The following VRK2 variants were observed in gnomAD, a reference collection of about 807,000 sequenced individuals.
VRK2 encodes serine/threonine-protein kinase VRK2.
A neutral mutation model predicts 57.6 loss-of-function variants in VRK2; 60 were observed. The observed-to-expected ratio is 1.04, with a 90% CI of 0.85 to 1.29. The LOEUF is 1.29. Ranked by LOEUF, VRK2 falls within the 50% of genes most tolerant of loss-of-function variation. The pLI, the probability that VRK2 is intolerant of heterozygous loss-of-function variation, is 0.00. For missense variants in VRK2, 705 were observed against 588.1 expected, an observed-to-expected ratio of 1.20 and a Z score of -2.06; for synonymous variants, 231 against 199.2, an observed-to-expected ratio of 1.16 and a Z score of -1.35.
intron 12 of VRK2, among the ~76,000 whole-genome samples, chr2:58,152,177 C>T (rs1453833502): frequency 6.6e-6 from 1 of 151,900 alleles, no homozygotes; most frequent in African/African-American, 2.4e-5. Context: ...TACTGAGATA[C>T]TTACATCTTT....
At chr2:58,076,414 T>C (rs1455244793) in intron 2 of VRK2, among the ~76,000 whole-genome samples, 1 of 151,984 alleles carries the variant, frequency 6.6e-6, no homozygotes, top group Non-Finnish European at 1.5e-5. Flanking sequence ...CTTGTAAGAG[T>C]ATCATACCTC....
At chr2:58,010,900 G>A (rs1019557230) in intron 1 of VRK2, among the ~76,000 whole-genome samples, 23 of 152,206 alleles carry the variant, frequency 1.5e-4, no homozygotes, top group African/African-American at 5.3e-4. Flanking sequence ...AACAGGGCCT[G>A]GCCCTGTGTA....
chr2:58,126,320 T>A (rs1178798499), intron 8 of VRK2, among the ~76,000 whole-genome samples: 1 of 152,124 alleles, frequency 6.6e-6, no homozygotes, highest in Non-Finnish European at 1.5e-5. Context: ...GATCAGACTG[T>A]CTGTTCTGTG....
intron 8 of VRK2, among the ~76,000 whole-genome samples, chr2:58,126,850 A>C (rs969862102): frequency 2.6e-5 from 4 of 152,108 alleles, no homozygotes; most frequent in Non-Finnish European, 5.9e-5. Flanking sequence ...TAGTATTTTA[A>C]AATTGGTTAC....
At chr2:58,107,809 C>G (rs1257307071) in intron 7 of VRK2, among the ~76,000 whole-genome samples, 1 of 152,130 alleles carries the variant, frequency 6.6e-6, no homozygotes, top group Non-Finnish European at 1.5e-5. Context: ...CTGCTTCTTT[C>G]TCTGCCAGCT....
chr2:58,118,184 G>GGTA (rs953716249), intron 7 of VRK2, among the ~76,000 whole-genome samples: 1 of 152,054 alleles, frequency 6.6e-6, no homozygotes, highest in African/African-American at 2.4e-5. Context: ...GCAGAGAAGG[G>GGTA]GTAGAGACAA....
rs1490425366 is a variant in VRK2 at position 58,136,763 on chromosome 2, A to ATATATATATCATATATATGTG, written c.856+1602_856+1622dup. On this transcript the variant is annotated intron_variant, in intron 10 of 12. Coordinates refer to ENST00000340157, the MANE Select transcript of VRK2 (RefSeq NM_006296.7). ...AAAGATGGGAAGATGTCATTAACAT[A>ATATATATATCATATATATGTG]TATATATATCATATATATGTGTATA... is the stretch of plus-strand genomic sequence containing the variant. Among the ~76,000 whole-genome samples, 283 of 145,634 alleles carry ATATATATATCATATATATGTG rather than the reference A, an allele frequency of 1.9e-3. 5 individuals are homozygous for ATATATATATCATATATATGTG. In the South Asian group the frequency reaches 0.02, roughly 11 times the overall value.
intron 6 of VRK2, among the ~76,000 whole-genome samples, 181 bp downstream of exon 6, chr2:58,088,627 G>A (rs1186822250): frequency 1.3e-5 from 2 of 152,206 alleles, no homozygotes; most frequent in Non-Finnish European, 2.9e-5. Context: ...GTGACAGAAT[G>A]TGCTGTGTAT....
At chr2:57,921,492 T>C (rs543801420) in intron 1 of VRK2, among the ~76,000 whole-genome samples, 1 of 152,124 alleles carries the variant, frequency 6.6e-6, no homozygotes, top group African/African-American at 2.4e-5. Flanking sequence ...ATTAGTAAAA[T>C]ATCCTGAAAA....
At chr2:58,046,461 CTCA>C (rs1674759607), upstream of VRK2, 4 of 982,742 alleles carry the variant, frequency 4.1e-6, no homozygotes, top group Non-Finnish European at 4.8e-6. Context: ...GCTCGTAGTA[CTCA>C]GGTTGTGGTA....
chr2:58,145,817 C>T (rs1267635848), intron 11 of VRK2, among the ~76,000 whole-genome samples: 2 of 151,922 alleles, frequency 1.3e-5, no homozygotes, highest in South Asian at 2.1e-4. Flanking sequence ...ATGTTCCCTA[C>T]CCTGTGTCCA....
At chr2:58,056,221 C>G (rs1347713783) in intron 2 of VRK2, among the ~76,000 whole-genome samples, 1 of 152,082 alleles carries the variant, frequency 6.6e-6, no homozygotes, top group Admixed American at 6.6e-5. Flanking sequence ...GCCTTATAGC[C>G]GTTGCTTTTG....
upstream of VRK2, among the ~76,000 whole-genome samples, chr2:58,042,993 C>G (rs779883977): frequency 6.6e-6 from 1 of 152,080 alleles, no homozygotes; most frequent in Non-Finnish European, 1.5e-5. Flanking sequence ...TCATAAAATT[C>G]TGCATTAAAT....
intron 2 of VRK2, among the ~76,000 whole-genome samples, chr2:58,071,780 AT>A (rs1157173308): frequency 2.0e-5 from 3 of 151,978 alleles, no homozygotes; most frequent in Non-Finnish European, 4.4e-5. Context: ...TTTTGCCTTT[AT>A]GTACAAACTT....
chr2:58,052,267 A>G (rs867403775), intron 2 of VRK2, among the ~76,000 whole-genome samples: 1 of 152,190 alleles, frequency 6.6e-6, no homozygotes, highest in African/African-American at 2.4e-5. Context: ...TAAGCATTTA[A>G]TAAATGTAAT....
chr2:58,086,036 G>T (rs1241391666), intron 4 of VRK2, among the ~76,000 whole-genome samples: 1 of 147,728 alleles, frequency 6.8e-6, no homozygotes, highest in African/African-American at 2.5e-5. Context: ...GTTATATTTA[G>T]AAATTTAGCT....
intron 1 of VRK2, among the ~76,000 whole-genome samples, chr2:57,934,065 T>C (rs1670826041): frequency 6.6e-6 from 1 of 152,226 alleles, no homozygotes; most frequent in African/African-American, 2.4e-5. Flanking sequence ...TCTGATGTCA[T>C]AATTTACATA....
chr2:58,138,698 C>G (rs1032656511), intron 10 of VRK2, among the ~76,000 whole-genome samples: 1 of 152,104 alleles, frequency 6.6e-6, no homozygotes, highest in Admixed American at 6.6e-5. Flanking sequence ...CCAGGTTTTC[C>G]CACCATGGAT....
intron 1 of VRK2, among the ~76,000 whole-genome samples, chr2:57,974,570 A>C (rs1460648998): frequency 6.6e-6 from 1 of 151,964 alleles, no homozygotes; most frequent in Non-Finnish European, 1.5e-5. Flanking sequence ...CTTCTAAAAA[A>C]TTAGCTGAAA....
Sources: allele counts gnomAD v4.1 joint callset (sites outside exome capture counted in the v4.1 genomes callset), GRCh38; gene constraint gnomAD v4.1.1; transcripts MANE v1.5; gene names NCBI Gene and HGNC (gene_info 2026-07-23, HGNC 2026-07-21).